The following TRAPPC3 variants were observed in gnomAD, a reference collection of about 807,000 sequenced individuals.
TRAPPC3 encodes trafficking protein particle complex subunit 3.
A neutral mutation model predicts 18.2 loss-of-function variants in TRAPPC3; 5 were observed. The observed-to-expected ratio is 0.28, with a 90% CI of 0.14 to 0.58. The LOEUF (loss-of-function observed/expected upper bound fraction) is 0.58. TRAPPC3 is among the 20% of genes least tolerant of loss of function. TRAPPC3 has a pLI of 0.91. For synonymous variants in TRAPPC3, 65 were observed against 84.2 expected (o/e 0.77, Z 1.25); for missense variants, 176 against 225.9 (o/e 0.78, Z 1.41).
At position 36,137,137 on chromosome 1, in the gene TRAPPC3, A is replaced by G; in HGVS notation, c.*66T>C. ...AGAGTCACTGAGTTCTGGAGGGCAGAGGGAGCACAGAGGCCTGCTGATTCC... is the reference window on the plus strand; with the variant it reads ...AGAGTCACTGAGTTCTGGAGGGCAGGGGGAGCACAGAGGCCTGCTGATTCC... On this transcript the variant is annotated 3_prime_UTR_variant, in exon 5 of 5. Transcript: ENST00000373166. The G allele has an allele frequency of 6.4e-7, 1 of 1,560,298 alleles. No homozygotes were observed. Among genetic ancestry groups the G allele is most frequent in the Non-Finnish European group, 8.8e-7 (1 of 1,138,868 alleles).
At chr1:36,148,413 G>A (rs1033592916) in intron 1 of TRAPPC3, among the ~76,000 whole-genome samples, 5 of 152,176 alleles carry the variant, frequency 3.3e-5, no homozygotes, top group African/African-American at 1.2e-4. Flanking sequence ...TGGCCAACAT[G>A]GTGAAACCCC....
chr1:36,152,263 C>T (rs897293120), upstream of TRAPPC3, among the ~76,000 whole-genome samples: 2 of 151,468 alleles, frequency 1.3e-5, no homozygotes, highest in African/African-American at 2.4e-5. Flanking sequence ...TTCTTCCCCT[C>T]GGGGAAACAG....
chr1:36,153,087 G>T (rs1644283658), upstream of TRAPPC3, among the ~76,000 whole-genome samples: 1 of 152,188 alleles, frequency 6.6e-6, no homozygotes, highest in Admixed American at 6.5e-5. Context: ...ATCTCCTACT[G>T]CCCTGGTCCA....
chr1:36,149,071 G>A (rs1644242570), intron 1 of TRAPPC3: 3 of 1,383,440 alleles, frequency 2.2e-6, no homozygotes, highest in Non-Finnish European at 2.8e-6. Context: ...AAGTTAAGTG[G>A]CAGTTATTGG....
At chr1:36,151,502 TAGGA>T (rs1439819682), upstream of TRAPPC3, among the ~76,000 whole-genome samples, 2 of 152,156 alleles carry the variant, frequency 1.3e-5, no homozygotes, top group East Asian at 3.9e-4. Context: ...CCCCAGCTAC[TAGGA>T]AGGTTAAGGT....
intron 3 of TRAPPC3, among the ~76,000 whole-genome samples, chr1:36,138,704 TG>T (rs1644061604): frequency 6.6e-6 from 1 of 152,108 alleles, no homozygotes; most frequent in Admixed American, 6.5e-5. Flanking sequence ...AAAACAGCCC[TG>T]GGGGTAGCTC....
At chr1:36,151,039 G>T (rs573323590), upstream of TRAPPC3, among the ~76,000 whole-genome samples, 3 of 152,346 alleles carry the variant, frequency 2.0e-5, no homozygotes, top group East Asian at 5.8e-4. Flanking sequence ...GTTCTAGAGA[G>T]AGTGGAGGTG....
chr1:36,136,775 C>G lies in TRAPPC3; in HGVS notation c.*428G>C, dbSNP rs556982344. 4 of 153,928 alleles carry G rather than the reference C, an allele frequency of 2.6e-5. No individual in the cohort carries two copies. Among genetic ancestry groups the G allele is most frequent in the African/African-American group, 9.6e-5 (4 of 41,584 alleles). The allele number at this position is 153,928 out of a possible 1,614,324, so 9.5% of individuals were successfully genotyped here. A position where few individuals can be genotyped will look rare whatever the true frequency, so the allele number is the denominator to read the frequency against. On this transcript the variant is annotated 3_prime_UTR_variant, in exon 5 of 5. Transcript: ENST00000373166. ...TCACACTACAGCTAGCAATTCCTCC[C>G]CACTCCCTCCCAGCCCTTCCTCCCT...
rs1644249091 is a variant in TRAPPC3, at chr1:36,149,396, C to A, written c.-18G>T. 1 of 1,612,454 alleles carries A rather than the reference C, an allele frequency of 6.2e-7. No individual in the cohort carries two copies. The highest frequency in any genetic ancestry group is 1.7e-5 in the Admixed American group (1 of 59,956). ...CTCGACATGGTGCCGGCCGCCCCGCCCCACTCGCCTAGCCACGGGTTAGCT... is the reference window on the plus strand; with the variant it reads ...CTCGACATGGTGCCGGCCGCCCCGCACCACTCGCCTAGCCACGGGTTAGCT... On this transcript the variant is annotated 5_prime_UTR_variant, in exon 1 of 5. Coordinates refer to ENST00000373166, the MANE Select transcript of TRAPPC3 (RefSeq NM_014408.5).
intron 4 of TRAPPC3, 58 bp from the exon 5 acceptor site, chr1:36,137,380 A>C: frequency 6.3e-7 from 1 of 1,575,218 alleles, no homozygotes. Context: ...CTAGGGAACC[A>C]GTGGGGATGG....
At chr1:36,138,985 G>A (rs577638373) in intron 3 of TRAPPC3, among the ~76,000 whole-genome samples, 1 of 143,322 alleles carries the variant, frequency 7.0e-6, no homozygotes, top group East Asian at 2.1e-4. Context: ...GTGGTGAGCC[G>A]AGATCACACC....
chr1:36,144,027 A>G (rs1332035769), intron 1 of TRAPPC3, among the ~76,000 whole-genome samples: 3 of 152,132 alleles, frequency 2.0e-5, no homozygotes, highest in African/African-American at 2.4e-5. Flanking sequence ...AGGTTCAAGG[A>G]GGGCAAGTAC....
chr1:36,149,512 C>G (rs553406252), upstream of TRAPPC3: 3 of 1,180,308 alleles, frequency 2.5e-6, no homozygotes, highest in Admixed American at 2.1e-5. Context: ...CGCGGCCTCC[C>G]GCGGGGCACC....
At chr1:36,149,031 T>C in intron 1 of TRAPPC3, 1 of 1,287,484 alleles carries the variant, frequency 7.8e-7, no homozygotes, top group Non-Finnish European at 9.9e-7. Flanking sequence ...GTAACGTGCG[T>C]GGCCCGGTGC....
chr1:36,146,254 T>C (rs2124166386), intron 1 of TRAPPC3, among the ~76,000 whole-genome samples: 1 of 149,152 alleles, frequency 6.7e-6, no homozygotes, highest in Middle Eastern at 3.5e-3. Context: ...AATTTTTGTA[T>C]TTTTAGTAGA....
chr1:36,145,978 C>T (rs1644192154), intron 1 of TRAPPC3, among the ~76,000 whole-genome samples: 1 of 151,228 alleles, frequency 6.6e-6, no homozygotes. Context: ...CAGGGTTTCA[C>T]CGTGTTAGCC....
intron 1 of TRAPPC3, chr1:36,149,039 T>A: frequency 7.6e-7 from 1 of 1,311,082 alleles, no homozygotes; most frequent in East Asian, 3.2e-5. Flanking sequence ...CGTGGCCCGG[T>A]GCCCAACACA....
chr1:36,137,045 C>T lies in TRAPPC3; in HGVS notation c.*158G>A, dbSNP rs1644035139. The T allele has an allele frequency of 5.9e-6, 5 of 843,754 alleles. No individual in the cohort carries two copies. The highest frequency in any genetic ancestry group is 1.7e-5 in the African/African-American group (1 of 59,492). 52.3% of individuals were successfully genotyped at this position (843,754 alleles called of 1,614,324 possible). A position where few individuals can be genotyped will look rare whatever the true frequency, so the allele number is the denominator to read the frequency against. ...CACACATGGGGTAAATGGACTATAT[C>T]GCAGTCTGCTCTTTATTTGAATGGA... On this transcript the variant is annotated 3_prime_UTR_variant, in exon 5 of 5. Coordinates refer to ENST00000373166, the MANE Select transcript of TRAPPC3 (RefSeq NM_014408.5).
chr1:36,138,161 C>T, intron 3 of TRAPPC3, 183 bp from the exon 4 acceptor site: 1 of 1,551,574 alleles, frequency 6.4e-7, no homozygotes, highest in Non-Finnish European at 8.7e-7. Flanking sequence ...CTGCACCCCT[C>T]TCCTTCACGG....
Sources: gnomAD v4.1 joint callset for allele counts (sites outside exome capture counted in the v4.1 genomes callset) on GRCh38, gnomAD v4.1.1 for gene constraint, MANE v1.5 for transcripts, NCBI Gene and HGNC (gene_info 2026-07-23, HGNC 2026-07-21) for gene names.